NHSL2: variants seen among roughly 807,000 people sequenced by gnomAD.
NHSL2 encodes NHS-like protein 2.
In NHSL2, 27 loss-of-function variants were observed where a neutral mutation model predicts 53.4. The observed-to-expected ratio is 0.51, with a 90% CI of 0.37 to 0.70. NHSL2 has a LOEUF of 0.70. Ranked by LOEUF, NHSL2 falls within the 30% of genes least tolerant of loss-of-function variation. NHSL2 has a pLI of 0.00. For synonymous variants in NHSL2, 408 were observed against 404.1 expected, an observed-to-expected ratio of 1.01 and a Z score of -0.12; for missense variants, 892 against 980.1, an observed-to-expected ratio of 0.91 and a Z score of 1.20.
At chrX:71,948,179 C>G (rs908038619) in intron 1 of NHSL2, among the ~76,000 whole-genome samples, 1 of 112,427 alleles carries the variant, frequency 8.9e-6, no homozygotes, top group African/African-American at 3.2e-5. Flanking sequence ...AGTCTGTGCT[C>G]AATAAATACC....
At chrX:72,055,278 G>A (rs887322540) in intron 1 of NHSL2, among the ~76,000 whole-genome samples, 2 of 112,207 alleles carry the variant, frequency 1.8e-5, no homozygotes, top group Admixed American at 1.9e-4. Context: ...CCGCCAGGCC[G>A]GGCTTGCTGC....
chrX:72,130,001 G>T, intron 1 of NHSL2: 3 of 1,211,422 alleles, frequency 2.5e-6, no homozygotes, highest in Non-Finnish European at 3.4e-6. Flanking sequence ...CCTTCCAGAA[G>T]TGGGACTCGA....
In NHSL2 at chrX:72,083,942, G is replaced by A. The variant is rs1206771208; in HGVS notation, c.281-48137G>A. On this transcript the variant is annotated intron_variant, in intron 1 of 7. Transcript: ENST00000633930. ...TTACTCCCCCTGCCCACACACTGTCGTGCCTTCCAGCATGTTGCATCCTTT... is the reference window on the plus strand; with the variant it reads ...TTACTCCCCCTGCCCACACACTGTCATGCCTTCCAGCATGTTGCATCCTTT... Among the ~76,000 whole-genome samples the A allele has an allele frequency of 2.7e-5, 3 of 111,704 alleles. No individual in the cohort carries two copies. The East Asian group carries it at 8.4e-4, about 31-fold the overall frequency.
At chrX:72,003,571 C>T (rs2042081263) in intron 1 of NHSL2, among the ~76,000 whole-genome samples, 1 of 111,370 alleles carries the variant, frequency 9.0e-6, no homozygotes, top group Non-Finnish European at 1.9e-5. Context: ...TCTTCAGGCC[C>T]AAGTTTACTT....
chrX:71,933,241 A>G (rs1382202484), intron 1 of NHSL2, among the ~76,000 whole-genome samples: 2 of 112,115 alleles, frequency 1.8e-5, no homozygotes, highest in Non-Finnish European at 3.8e-5. Flanking sequence ...CGCCCTGTCC[A>G]AAAGCCTTCC....
rs187882532 is a variant in NHSL2 at position 72,076,352 on chromosome X, T to C, written c.281-55727T>C. 5.9e-3 allele frequency among the ~76,000 whole-genome samples: 658 copies of C among 111,980 alleles called. 8 individuals are homozygous for C. Among genetic ancestry groups the C allele is most frequent in the African/African-American group, 0.02 (625 of 30,757 alleles). ...CCATTATGGTGAGACCCAGGTATTT[T>C]AGTAAAGGTGAGGTGTGTGCTTAGA... is the stretch of plus-strand genomic sequence containing the variant. On this transcript the variant is annotated intron_variant, in intron 1 of 7. Coordinates refer to ENST00000633930, the MANE Select transcript of NHSL2 (RefSeq NM_001013627.3).
intron 1 of NHSL2, among the ~76,000 whole-genome samples, chrX:71,950,010 G>A (rs891677416): frequency 6.2e-5 from 7 of 113,408 alleles, no homozygotes; most frequent in African/African-American, 1.6e-4. Flanking sequence ...GGCTGGGAGC[G>A]CCAGACCCAT....
At position 72,134,723 on chromosome X, in the gene NHSL2, G is replaced by A. The variant is rs749432285; in HGVS notation, c.760+19G>A. Reference sequence around the variant, plus strand: ...ATCTCTGGTAGAGTTGCTTAGCACCGCCTTTGTCTTCTTCCCTTCATGCCT... The same window carrying A: ...ATCTCTGGTAGAGTTGCTTAGCACCACCTTTGTCTTCTTCCCTTCATGCCT... On this transcript the variant is annotated intron_variant, in intron 4 of 7. Transcript: ENST00000633930. 4.8e-5 allele frequency: 53 copies of A among 1,111,763 alleles called. No homozygotes were observed. In the South Asian group the frequency reaches 9.4e-4, roughly 20 times the overall value. 91.6% of individuals were successfully genotyped at this position (1,111,763 alleles called of 1,213,427 possible). A position where few individuals can be genotyped will look rare whatever the true frequency, so the allele number is the denominator to read the frequency against.
At chrX:71,922,054 G>A (rs1246533301) in intron 1 of NHSL2, among the ~76,000 whole-genome samples, 7 of 112,566 alleles carry the variant, frequency 6.2e-5, no homozygotes, top group African/African-American at 1.6e-4. Context: ...CTATAACAGG[G>A]GTTCTTCATC....
At chrX:72,067,233 G>A (rs962709620) in intron 1 of NHSL2, among the ~76,000 whole-genome samples, 1 of 111,551 alleles carries the variant, frequency 9.0e-6, no homozygotes, top group Non-Finnish European at 1.9e-5. Flanking sequence ...GGGTACACAA[G>A]TGTGTCCAGG....
chrX:72,096,090 G>A (rs1213030948), intron 1 of NHSL2, among the ~76,000 whole-genome samples: 1 of 109,013 alleles, frequency 9.2e-6, no homozygotes. Flanking sequence ...AAGCAGAAGG[G>A]AGATGCAGTA....
In NHSL2 at chrX:72,081,957, G is replaced by A. The variant is rs1354170336; in HGVS notation, c.281-50122G>A. ...CAGAGCCGCGACCTCGACAGACAGA[G>A]GCCACAGCTGGCCTCTCCCTCCAGT... On this transcript the variant is annotated intron_variant, in intron 1 of 7. Coordinates refer to ENST00000633930, the MANE Select transcript of NHSL2 (RefSeq NM_001013627.3). Among the ~76,000 whole-genome samples, 4 of 112,066 alleles carry A rather than the reference G, an allele frequency of 3.6e-5. No individual in the cohort carries two copies. In the Admixed American group the frequency reaches 3.8e-4, roughly 11 times the overall value.
At chrX:72,064,068 T>C (rs1222310496) in intron 1 of NHSL2, among the ~76,000 whole-genome samples, 1 of 111,311 alleles carries the variant, frequency 9.0e-6, no homozygotes, top group East Asian at 2.8e-4. Context: ...GCAGAAGGAA[T>C]AGAACCTAGA....
intron 1 of NHSL2, among the ~76,000 whole-genome samples, chrX:72,113,863 C>G (rs1029875770): frequency 8.9e-6 from 1 of 112,118 alleles, no homozygotes; most frequent in South Asian, 3.7e-4. Flanking sequence ...CCGTCTGGCT[C>G]AGTGTGGGGC....
intron 1 of NHSL2, among the ~76,000 whole-genome samples, chrX:72,098,131 T>TC: frequency 8.9e-6 from 1 of 112,315 alleles, no homozygotes; most frequent in Admixed American, 9.4e-5. Flanking sequence ...ATGGTGCCCT[T>TC]CCTCAGGCTC....
In NHSL2 at chrX:72,137,200, C is replaced by T; in HGVS notation, c.867C>T (p.Phe289=). 1 of 1,167,089 alleles carries T rather than the reference C, an allele frequency of 8.6e-7. No homozygotes were observed. Among genetic ancestry groups the T allele is most frequent in the Non-Finnish European group, 1.1e-6 (1 of 872,347 alleles). ...GGCGGAGGCGGACCATTATTGGATT[C>T]TCTAACTTTTCCCAGCGAGACCAAG... ...TLRRRRTIIG[F]SNFSQRDQGH... is the part of the protein sequence containing the mutation. Residue 289 remains phenylalanine (F), a synonymous_variant, in exon 5 of 8, where the codon TTC becomes TTT. Transcript: ENST00000633930.
chrX:71,962,293 T>C (rs1257301377), intron 1 of NHSL2, among the ~76,000 whole-genome samples: 12 of 111,832 alleles, frequency 1.1e-4, no homozygotes, highest in Non-Finnish European at 1.9e-4. Flanking sequence ...GTGATATCTT[T>C]GGCTTTGATA....
chrX:72,056,675 A>C (rs1162936709), intron 1 of NHSL2, among the ~76,000 whole-genome samples: 3 of 111,847 alleles, frequency 2.7e-5, no homozygotes, highest in Non-Finnish European at 5.6e-5. Context: ...ATAGATAATA[A>C]ATATTATATT....
intron 1 of NHSL2, among the ~76,000 whole-genome samples, chrX:72,091,997 C>T (rs1647650090): frequency 9.0e-6 from 1 of 111,410 alleles, no homozygotes; most frequent in Admixed American, 9.5e-5. Flanking sequence ...TGAACACACA[C>T]ACACACACGC....
Sources: allele counts gnomAD v4.1 joint callset (sites outside exome capture counted in the v4.1 genomes callset), GRCh38; gene constraint gnomAD v4.1.1; transcripts MANE v1.5; gene names NCBI Gene and HGNC (gene_info 2026-07-23, HGNC 2026-07-21).